Variants in DUOX2 observed in about 807,000 individuals in gnomAD.
DUOX2 encodes dual oxidase 2.
In DUOX2, 185 loss-of-function variants were observed where a neutral mutation model predicts 183.3. That is an observed-to-expected ratio of 1.01 (90% CI 0.90 to 1.14). DUOX2 has a LOEUF of 1.14. Ranked by LOEUF, DUOX2 falls within the 50% of genes most tolerant of loss-of-function variation. The pLI is 0.00. For synonymous variants in DUOX2, 788 were observed against 812.4 expected (o/e 0.97, Z 0.51); for missense variants, 1,999 against 2,022.9 (o/e 0.99, Z 0.23).
chr15:45,099,166 A>G (rs1893987444), intron 26 of DUOX2: 2 of 436,848 alleles, frequency 4.6e-6, no homozygotes, highest in African/African-American at 2.0e-5. Flanking sequence ...GCCCACCACC[A>G]CGCCCGGCTA....
At chr15:45,095,149 G>A in intron 31 of DUOX2, 58 bp from the exon 32 acceptor site, 1 of 1,577,330 alleles carries the variant, frequency 6.3e-7, no homozygotes, top group South Asian at 1.2e-5. Flanking sequence ...CTAGATCCCA[G>A]GTGCCTTCAC....
At chr15:45,111,608 G>T (rs1272407666) in intron 5 of DUOX2, 23 bp from the exon 6 acceptor site, 1 of 1,515,012 alleles carries the variant, frequency 6.6e-7, no homozygotes, top group Admixed American at 2.1e-5. Flanking sequence ...CGGCGGGTGA[G>T]CCCGGGTCGA....
Position 45,101,802 on chromosome 15 carries a change from C to T in DUOX2, c.2842G>A (p.Gly948Ser), listed in dbSNP as rs878932111. The T allele has an allele frequency of 6.2e-7, 1 of 1,614,228 alleles. No individual in the cohort carries two copies. The change falls in exon 21 of 34, where the codon GGT (glycine) becomes AGT (serine). Residue 948 changes from glycine to serine, a missense_variant. Physicochemically the swap from Gly to Ser is moderately conservative, Grantham distance 56 (BLOSUM62 0). Coordinates refer to ENST00000389039, the MANE Select transcript of DUOX2 (RefSeq NM_001363711.2). ...TTCCTCACACACTCACCATTTCCAC[C>T]TCCACCTCCACCTTTGACACAGAGC... ...TQLCVKGGGG[G>S]GNGIRDIFKQ...
chr15:45,108,727 G>C, intron 12 of DUOX2, 62 bp downstream of exon 12: 1 of 1,544,582 alleles, frequency 6.5e-7, no homozygotes, highest in East Asian at 2.2e-5. Context: ...TATGTAAAGG[G>C]TTTGGAACAG....
chr15:45,098,119 A>T, intron 26 of DUOX2, 61 bp from the exon 27 acceptor site: 1 of 1,500,160 alleles, frequency 6.7e-7, no homozygotes, highest in Admixed American at 1.7e-5. Context: ...GCACTGTCAC[A>T]ACACAGCATG....
Position 45,095,556 on chromosome 15 carries a change from A to G in DUOX2, c.4120T>C (p.Trp1374Arg), listed in dbSNP as rs1893878680. 6.2e-7 allele frequency: 1 copy of G among 1,613,854 alleles called. No individual in the cohort carries two copies. Among genetic ancestry groups the G allele is most frequent in the Non-Finnish European group, 8.5e-7 (1 of 1,179,984 alleles). ...DGPFGEGHQE[W>R]HKFEVSVLVG... is the part of the protein sequence containing the mutation. Reference sequence around the variant, plus strand: ...AACACTGACACCTCAAATTTATGCCACTCCTGATGGCCCTCTCCAAACGGT... The same window carrying G: ...AACACTGACACCTCAAATTTATGCCGCTCCTGATGGCCCTCTCCAAACGGT... Residue 1374 changes from tryptophan (W) to arginine (R), a missense_variant, in exon 31 of 34, where the codon TGG becomes CGG. Transcript: ENST00000389039.
intron 21 of DUOX2, chr15:45,101,511 A>G: frequency 1.6e-6 from 1 of 627,792 alleles, no homozygotes; most frequent in Admixed American, 2.7e-5. Context: ...TTTGTGTAAA[A>G]GAAACAATGC....
intron 18 of DUOX2, among the ~76,000 whole-genome samples, 165 bp from the exon 19 acceptor site, chr15:45,104,530 T>C (rs910222213): frequency 2.1e-4 from 32 of 152,232 alleles, no homozygotes; most frequent in African/African-American, 7.5e-4. Flanking sequence ...TGTTGTCCTA[T>C]AGACGGGGGA....
chr15:45,098,152 C>G, intron 26 of DUOX2, 94 bp from the exon 27 acceptor site: 1 of 1,262,460 alleles, frequency 7.9e-7, no homozygotes, highest in South Asian at 1.2e-5. Context: ...CTGGCCCTGA[C>G]TGCTGAGGGT....
chr15:45,104,089 G>A (rs1272924858), intron 19 of DUOX2, 36 bp from the exon 20 acceptor site: 20 of 1,614,050 alleles, frequency 1.2e-5, no homozygotes, highest in Non-Finnish European at 1.7e-5. Flanking sequence ...TCATCTCCTT[G>A]CTGAAAGACC....
chr15:45,113,002 C>A lies in DUOX2; in HGVS notation c.145G>T (p.Glu49Ter). 1 of 1,613,660 alleles carries A rather than the reference C, an allele frequency of 6.2e-7. No homozygotes were observed. Among genetic ancestry groups the A allele is most frequent in the Middle Eastern group, 1.7e-4 (1 of 6,024 alleles). ...DGWFNNLRHH[E>*]RGAVGCRLQR... ...CAGAACGCACCAACAGCACCACGCT[C>A]GTGGTGCCTCAGGTTGTTAAACCAG... Residue 49 changes from glutamate to a stop codon, truncating the protein, a stop_gained, in exon 3 of 34, where the codon GAG becomes TAG. Coordinates refer to ENST00000389039, the MANE Select transcript of DUOX2 (RefSeq NM_001363711.2). LOFTEE classifies it high-confidence loss of function.
At chr15:45,106,091 G>A (rs1894204731) in intron 17 of DUOX2, 34 bp downstream of exon 17, 4 of 1,611,696 alleles carry the variant, frequency 2.5e-6, no homozygotes, top group South Asian at 2.2e-5. Flanking sequence ...TCGTGTGAGG[G>A]CAGCCCAGGC....
Position 45,106,225 on chromosome 15 carries a change from C to A in DUOX2, c.2048G>T (p.Arg683Leu), listed in dbSNP as rs8028305. The A allele has an allele frequency of 6.9e-5, 112 of 1,614,138 alleles. No homozygotes were observed. In the East Asian group the frequency reaches 2.2e-3, roughly 32 times the overall value. ...QVLNRHLTVL[R>L]VVQLQPLQQV... ...CTGCAGAGGCTGCAGCTGGACCACA[C>A]GGAGCACAGTGAGATGCCTGTTCAG... is the stretch of plus-strand genomic sequence containing the variant. The change falls in exon 17 of 34, where the codon CGT (arginine) becomes CTT (leucine). Residue 683 changes from arginine to leucine, a missense_variant. By Grantham distance (102) the Arg-to-Leu change is moderately radical. Transcript: ENST00000389039.
At chr15:45,110,623 A>C (rs370995201) in intron 8 of DUOX2, 27 bp downstream of exon 8, 2 of 1,613,496 alleles carry the variant, frequency 1.2e-6, no homozygotes, top group African/African-American at 1.3e-5. Context: ...TTCTCCGCAC[A>C]GGTGTCCTCC....
chr15:45,104,485 T>C, intron 18 of DUOX2, 120 bp from the exon 19 acceptor site: 1 of 1,338,060 alleles, frequency 7.5e-7, no homozygotes, highest in Non-Finnish European at 1.0e-6. Context: ...ACTCTGATGG[T>C]TCTCCTGATC....
rs370438048 is a variant in DUOX2 at position 45,111,783 on chromosome 15, G to T, written c.498C>A (p.Ser166Arg). 116 of 1,607,198 alleles carry T rather than the reference G, an allele frequency of 7.2e-5. No homozygotes were observed. Among genetic ancestry groups the T allele is most frequent in the Non-Finnish European group, 9.5e-5 (112 of 1,177,420 alleles). Reference sequence around the variant, plus strand: ...CCCGCCTCACCAGGTCCCGGGGGTTGCTGGGACTCCGTCCGGTCTCGGGGT... The same window carrying T: ...CCCGCCTCACCAGGTCCCGGGGGTTTCTGGGACTCCGTCCGGTCTCGGGGT... Reference protein sequence around the residue: ...RWDPETGRSPSNPRDLANQVT... With the variant: ...RWDPETGRSPRNPRDLANQVT... Residue 166 changes from serine to arginine, a missense_variant, in exon 5 of 34, where the codon AGC becomes AGA. By Grantham distance (110) the Ser-to-Arg change is moderately radical. Transcript: ENST00000389039.
intron 16 of DUOX2, 36 bp downstream of exon 16, chr15:45,106,492 C>T (rs746382061): frequency 1.5e-5 from 24 of 1,607,424 alleles, no homozygotes; most frequent in African/African-American, 5.3e-5. Context: ...TCCCCTCCTC[C>T]GTCCCTCCTC....
chr15:45,102,250 A>G (rs1894103183), intron 20 of DUOX2, among the ~76,000 whole-genome samples: 1 of 149,880 alleles, frequency 6.7e-6, no homozygotes, highest in African/African-American at 2.5e-5. Context: ...AACTGAGAAG[A>G]TAGTCCACTG....
At position 45,105,623 on chromosome 15, in the gene DUOX2, A is replaced by T; in HGVS notation, c.2334+20T>A. On this transcript the variant is annotated intron_variant, in intron 18 of 33. Transcript: ENST00000389039. ...ATTTCTGGGGCTGGACCCATCTCCA[A>T]AAGGCACAGGTCATGGCACCTGAGC... The T allele has an allele frequency of 6.2e-7, 1 of 1,614,128 alleles. No individual in the cohort carries two copies. The highest frequency in any genetic ancestry group is 8.5e-7 in the Non-Finnish European group (1 of 1,180,016).
Sources: allele counts gnomAD v4.1 joint callset (sites outside exome capture counted in the v4.1 genomes callset), GRCh38; gene constraint gnomAD v4.1.1; transcripts MANE v1.5; gene names NCBI Gene and HGNC (gene_info 2026-07-23, HGNC 2026-07-21).